The following LINGO1 variants were observed in gnomAD, a reference collection of about 807,000 sequenced individuals.
The protein encoded by LINGO1 is leucine-rich repeat and immunoglobulin-like domain-containing nogo receptor-interacting protein 1.
A neutral mutation model predicts 37.3 loss-of-function variants in LINGO1; 11 were observed. The observed-to-expected ratio is 0.29, with a 90% CI of 0.19 to 0.49. The LOEUF (loss-of-function observed/expected upper bound fraction) is 0.49, where lower values mean the gene tolerates loss of function less well. Among genes scored for constraint, LINGO1 ranks in the 20% least tolerant of loss-of-function variants. LINGO1 has a pLI of 0.99. For synonymous variants in LINGO1, 387 were observed against 403.0 expected (o/e 0.96, Z 0.48); for missense variants, 585 against 878.2 (o/e 0.67, Z 4.22).
intron 1 of LINGO1, among the ~76,000 whole-genome samples, chr15:77,623,604 G>A (rs892194160): frequency 1.1e-4 from 16 of 152,184 alleles, no homozygotes; most frequent in Admixed American, 1.0e-3. Flanking sequence ...AGAAAGCCTG[G>A]CGGACTGCGC....
At chr15:77,752,644 A>G (rs572333761) in intron 1 of LINGO1, among the ~76,000 whole-genome samples, 13 of 152,294 alleles carry the variant, frequency 8.5e-5, no homozygotes, top group African/African-American at 3.1e-4. Flanking sequence ...GAATCAGCCA[A>G]CCCTAGGTAA....
intron 1 of LINGO1, among the ~76,000 whole-genome samples, chr15:77,781,213 G>A (rs990486183): frequency 1.3e-4 from 20 of 152,252 alleles, no homozygotes; most frequent in Non-Finnish European, 2.5e-4. Context: ...GGCATGGGTA[G>A]GGGGCTGGAA....
upstream of LINGO1, among the ~76,000 whole-genome samples, chr15:77,699,187 C>A (rs1172584535): frequency 6.6e-6 from 1 of 151,904 alleles, no homozygotes; most frequent in Non-Finnish European, 1.5e-5. Context: ...TTGGTAGTCC[C>A]CTCGTTTCCC....
intron 2 of LINGO1, among the ~76,000 whole-genome samples, chr15:77,684,497 G>A (rs1383251362): frequency 2.0e-5 from 3 of 152,186 alleles, no homozygotes. Context: ...AGACTGGCCT[G>A]TGAGCTCAAA....
chr15:77,689,371 C>T (rs565388461), intron 2 of LINGO1, among the ~76,000 whole-genome samples: 7 of 152,308 alleles, frequency 4.6e-5, no homozygotes, highest in East Asian at 3.9e-4. Flanking sequence ...ACACAAGTTC[C>T]GCCTCCCTGC....
chr15:77,764,810 C>A (rs1236124065), intron 1 of LINGO1, among the ~76,000 whole-genome samples: 1 of 152,182 alleles, frequency 6.6e-6, no homozygotes, highest in Non-Finnish European at 1.5e-5. Context: ...CAGTTCCACT[C>A]CAAGAGTCTC....
At chr15:77,722,459 G>A (rs2076060549) in intron 2 of LINGO1, among the ~76,000 whole-genome samples, 1 of 152,192 alleles carries the variant, frequency 6.6e-6, no homozygotes, top group Non-Finnish European at 1.5e-5. Flanking sequence ...AGTGGCCCAG[G>A]TTCAAATCCC....
chr15:77,615,573 G>C lies in LINGO1; in HGVS notation c.334C>G (p.Pro112Ala). The C allele has an allele frequency of 2.5e-6, 4 of 1,611,490 alleles. No individual in the cohort carries two copies. The highest frequency in any genetic ancestry group is 3.4e-6 in the Non-Finnish European group (4 of 1,178,734). Residue 112 changes from proline to alanine, a missense_variant, in exon 2 of 2, where the codon CCC becomes GCC. Physicochemically the swap from Pro to Ala is conservative, Grantham distance 27. Around this residue, in one of 4 missense-constraint regions of LINGO1, gnomAD observed 484 missense variants for 735.0 expected, o/e 0.66. Transcript: ENST00000355300. ...LNENIVSAVE[P>A]GAFNNLFNLR... ...TTGAAGAGGTTGTTGAAGGCGCCGG[G>C]CTCCACGGCGCTCACGATGTTCTCG... is the stretch of plus-strand genomic sequence containing the variant.
chr15:77,728,223 G>A (rs909279470), intron 2 of LINGO1, among the ~76,000 whole-genome samples: 1 of 152,198 alleles, frequency 6.6e-6, no homozygotes, highest in African/African-American at 2.4e-5. Flanking sequence ...ATTTTAGGCA[G>A]CTGCCTCTCC....
At chr15:77,615,947 G>A in intron 1 of LINGO1, 47 bp from the exon 2 acceptor site, 1 of 1,373,292 alleles carries the variant, frequency 7.3e-7, no homozygotes, top group East Asian at 2.5e-5. Context: ...TTAGGGGGCA[G>A]TGTGTGTCTG....
chr15:77,664,972 G>A (rs1019041537), intron 3 of LINGO1, among the ~76,000 whole-genome samples: 1 of 152,214 alleles, frequency 6.6e-6, no homozygotes, highest in African/African-American at 2.4e-5. Context: ...AGATCTGCAT[G>A]TGCAAACAGA....
In LINGO1 at chr15:77,719,252, G is replaced by A. The variant is rs561869110; in HGVS notation, c.-195+15740C>T. On this transcript the variant is annotated intron_variant, in intron 2 of 3. Coordinates refer to the LINGO1 transcript ENST00000561686. ...CAGGACTGAGCGGCTCCCCAGGCCTGGGGTGGCTGGGTGGTGGAGTGAGGA... is the reference window on the plus strand; with the variant it reads ...CAGGACTGAGCGGCTCCCCAGGCCTAGGGTGGCTGGGTGGTGGAGTGAGGA... Among the ~76,000 whole-genome samples, 19 of 150,168 alleles carry A rather than the reference G, an allele frequency of 1.3e-4. 1 individual carries two copies. Among genetic ancestry groups the A allele is most frequent in the African/African-American group, 3.9e-4 (16 of 41,420 alleles).
At chr15:77,630,930 G>A (rs925189180) in intron 1 of LINGO1, among the ~76,000 whole-genome samples, 2 of 152,200 alleles carry the variant, frequency 1.3e-5, no homozygotes, top group African/African-American at 4.8e-5. Context: ...GTAGAAAGCA[G>A]GAAGGACAGG....
At chr15:77,626,593 G>A (rs1252114983) in intron 1 of LINGO1, among the ~76,000 whole-genome samples, 1 of 152,232 alleles carries the variant, frequency 6.6e-6, no homozygotes, top group Non-Finnish European at 1.5e-5. Context: ...CCGTTCATAA[G>A]AAGCCCAGAC....
chr15:77,816,815 A>AC (rs1235312001), intron 1 of LINGO1, among the ~76,000 whole-genome samples: 1 of 152,080 alleles, frequency 6.6e-6, no homozygotes, highest in Non-Finnish European at 1.5e-5. Context: ...TACCAGAAGA[A>AC]CCGGGGCAGG....
intron 1 of LINGO1, among the ~76,000 whole-genome samples, chr15:77,741,694 C>T (rs2076266228): frequency 1.3e-5 from 2 of 152,250 alleles, no homozygotes; most frequent in Admixed American, 6.5e-5. Flanking sequence ...CCCGCCTCAG[C>T]TTCCCCAGTG....
upstream of LINGO1, among the ~76,000 whole-genome samples, chr15:77,634,592 T>G (rs1263710029): frequency 3.3e-5 from 5 of 152,138 alleles, no homozygotes; most frequent in East Asian, 1.9e-4. Context: ...TGGACTCGTC[T>G]TCTATGGCTG....
At position 77,615,538 on chromosome 15, in the gene LINGO1, C is replaced by A. The variant is rs775639227; in HGVS notation, c.369G>T (p.Thr123=). The change falls in exon 2 of 2, where the codon ACG becomes ACT. Residue 123 remains threonine (T), a synonymous_variant. Transcript: ENST00000355300. ...TCAGGCGGTTGCTGCGGAGACCCAG[C>A]GTCCGGAGGTTGAAGAGGTTGTTGA... ...GAFNNLFNLR[T]LGLRSNRLKL... is the part of the protein sequence containing the mutation. 24 of 1,613,444 alleles carry A rather than the reference C, an allele frequency of 1.5e-5. No homozygotes were observed. Among genetic ancestry groups the A allele is most frequent in the Non-Finnish European group, 1.8e-5 (21 of 1,179,678 alleles).
chr15:77,792,070 C>T (rs1045535536), intron 2 of LINGO1, among the ~76,000 whole-genome samples: 5 of 152,166 alleles, frequency 3.3e-5, no homozygotes, highest in African/African-American at 4.8e-5. Context: ...CAGCTCTTCC[C>T]GCAGCTGCAG....
Sources: gnomAD v4.1 joint callset for allele counts (sites outside exome capture counted in the v4.1 genomes callset) on GRCh38, gnomAD v4.1.1 for gene constraint, gnomAD v4.1.1 regional missense constraint, MANE v1.5 for transcripts, NCBI Gene and HGNC (gene_info 2026-07-23, HGNC 2026-07-21) for gene names.